The following WAC variants were observed in gnomAD, a reference collection of about 807,000 sequenced individuals.
WAC encodes WW domain containing adaptor with coiled-coil, also known as WW domain-containing adapter protein with coiled-coil.
Under a neutral mutation model 79.6 loss-of-function variants are expected in WAC, and 11 were observed. The observed-to-expected ratio is 0.14, with a 90% CI of 0.09 to 0.23. The LOEUF is 0.23. Ranked by LOEUF, WAC falls within the 10% of genes least tolerant of loss-of-function variation. The probability of loss-of-function intolerance (pLI) is 1.00; values close to 1 mark genes in which losing one functional copy is unlikely to be tolerated. For synonymous variants in WAC, 304 were observed against 276.9 expected (o/e 1.10, Z -0.97); for missense variants, 728 against 773.5 (o/e 0.94, Z 0.70).
intron 3 of WAC, among the ~76,000 whole-genome samples, chr10:28,550,180 A>AT (rs1837582224): frequency 1.3e-5 from 2 of 150,502 alleles, no homozygotes; most frequent in South Asian, 4.2e-4. Context: ...AAAAAAAAAA[A>AT]GTTTGTTTTA....
At chr10:28,536,928 CT>C (rs1413173293) in intron 3 of WAC, among the ~76,000 whole-genome samples, 12 of 152,124 alleles carry the variant, frequency 7.9e-5, no homozygotes, top group East Asian at 1.9e-4. Context: ...CTTTTTGCCC[CT>C]ATTGGCAGCT....
rs1254281844 is a variant in WAC at position 28,614,820 on chromosome 10, T to C, written c.1556+135T>C. On this transcript the variant is annotated intron_variant, in intron 11 of 13. Transcript: ENST00000354911. ...TACCCTAAAGTAGGCTTACATGTTG[T>C]AAAATTTACAAAGACAAACCTGTAT... The C allele has an allele frequency of 1.6e-5, 12 of 738,426 alleles. No individual in the cohort carries two copies. The South Asian group carries it at 2.0e-4, about 12-fold the overall frequency. 45.7% of individuals were successfully genotyped at this position (738,426 alleles called of 1,614,324 possible).
intron 12 of WAC, among the ~76,000 whole-genome samples, chr10:28,617,040 A>G (rs1169741723): frequency 6.6e-6 from 1 of 152,128 alleles, no homozygotes; most frequent in Non-Finnish European, 1.5e-5. Flanking sequence ...CCGAGATTGC[A>G]CCACTGTACT....
Position 28,560,484 on chromosome 10 carries a change from G to GT in WAC, c.275-22908dup, listed in dbSNP as rs1296467770. Among the ~76,000 whole-genome samples, 4 of 152,198 alleles carry GT rather than the reference G, an allele frequency of 2.6e-5. No homozygotes were observed. In the East Asian group the frequency reaches 7.7e-4, roughly 29 times the overall value. ...TGGTGTGAAGAGAATCGGGAATTTT[G>GT]TTTTTTTGTGTCGTCTTATGCCTGA... On this transcript the variant is annotated intron_variant, in intron 3 of 13. Coordinates refer to ENST00000354911, the MANE Select transcript of WAC (RefSeq NM_016628.5).
intron 3 of WAC, among the ~76,000 whole-genome samples, chr10:28,542,217 C>T (rs1336109179): frequency 1.3e-5 from 2 of 152,198 alleles, no homozygotes; most frequent in African/African-American, 4.8e-5. Flanking sequence ...CTCACAGGGC[C>T]TTCTCTGCCC....
intron 3 of WAC, among the ~76,000 whole-genome samples, chr10:28,563,331 C>T (rs12413834): frequency 6.6e-6 from 1 of 152,006 alleles, no homozygotes; most frequent in South Asian, 2.1e-4. Flanking sequence ...TGATTATGTT[C>T]TAGGAGGTAG....
Position 28,610,686 on chromosome 10 carries a change from AAT to A in WAC, c.1166-10_1166-9del, listed in dbSNP as rs1268673559. 2 of 1,601,426 alleles carry A rather than the reference AAT, an allele frequency of 1.2e-6. No homozygotes were observed. The highest frequency in any genetic ancestry group is 1.7e-6 in the Non-Finnish European group (2 of 1,176,728). On this transcript the variant is annotated splice_polypyrimidine_tract_variant and intron_variant, in intron 8 of 13. Coordinates refer to ENST00000354911, the MANE Select transcript of WAC (RefSeq NM_016628.5). ...TTGTTTTTATATGAATGTATGAAAT[AAT>A]ATGTTTTTAGTTCTTACAGCAGCTG...
intron 4 of WAC, among the ~76,000 whole-genome samples, chr10:28,583,940 A>C (rs1489952855): frequency 6.6e-6 from 1 of 152,270 alleles, no homozygotes; most frequent in Middle Eastern, 3.2e-3. Context: ...ACCTGTCCAC[A>C]AGGGTGTGAA....
chr10:28,546,225 T>C (rs750641558), intron 3 of WAC, among the ~76,000 whole-genome samples: 79 of 152,312 alleles, frequency 5.2e-4, no homozygotes, highest in Non-Finnish European at 7.2e-4. Flanking sequence ...TCTTTTCTGG[T>C]AGCTAAAAAA....
chr10:28,571,147 C>T (rs552059732), intron 3 of WAC, among the ~76,000 whole-genome samples: 3 of 151,760 alleles, frequency 2.0e-5, no homozygotes, highest in African/African-American at 7.2e-5. Context: ...CCAGGCTGGT[C>T]TTGAACTCCT....
At chr10:28,540,658 T>G (rs973945196) in intron 3 of WAC, among the ~76,000 whole-genome samples, 2 of 152,238 alleles carry the variant, frequency 1.3e-5, no homozygotes, top group African/African-American at 4.8e-5. Flanking sequence ...ACGTTTGGAT[T>G]TTAATAATAC....
intron 7 of WAC, among the ~76,000 whole-genome samples, chr10:28,603,969 A>G (rs867179850): frequency 4.4e-5 from 3 of 67,762 alleles, no homozygotes; most frequent in African/African-American, 1.7e-4. Context: ...ATGTATATAT[A>G]TATATATATA....
chr10:28,619,319 A>G (rs1218516130), intron 13 of WAC, among the ~76,000 whole-genome samples: 1 of 152,150 alleles, frequency 6.6e-6, no homozygotes, highest in African/African-American at 2.4e-5. Flanking sequence ...GAAAACTAAA[A>G]CATCCTTTCA....
At chr10:28,585,802 A>C (rs1839792301) in intron 4 of WAC, among the ~76,000 whole-genome samples, 1 of 152,138 alleles carries the variant, frequency 6.6e-6, no homozygotes, top group Non-Finnish European at 1.5e-5. Context: ...TGTAAAACAC[A>C]AATGCAAACA....
At chr10:28,535,408 A>T in intron 2 of WAC, 154 bp from the exon 3 acceptor site, 1 of 856,308 alleles carries the variant, frequency 1.2e-6, no homozygotes. Flanking sequence ...TTTTTGTCTG[A>T]GAAACTTTAA....
At chr10:28,574,454 T>C (rs1295268649) in intron 3 of WAC, among the ~76,000 whole-genome samples, 1 of 151,628 alleles carries the variant, frequency 6.6e-6, no homozygotes, top group Non-Finnish European at 1.5e-5. Context: ...GGCCTGTTGC[T>C]GTTTTTGAGA....
At chr10:28,585,301 G>T (rs1839760480) in intron 4 of WAC, among the ~76,000 whole-genome samples, 1 of 152,072 alleles carries the variant, frequency 6.6e-6, no homozygotes. Context: ...AGTTCTAGTG[G>T]TGGGATGGTA....
At chr10:28,542,971 C>T (rs1040890047) in intron 3 of WAC, among the ~76,000 whole-genome samples, 5 of 152,182 alleles carry the variant, frequency 3.3e-5, no homozygotes, top group African/African-American at 1.2e-4. Context: ...ACCTTGTATT[C>T]CTGTTACCTT....
intron 3 of WAC, among the ~76,000 whole-genome samples, chr10:28,538,076 C>T (rs2132323922): frequency 6.6e-6 from 1 of 152,226 alleles, no homozygotes; most frequent in Admixed American, 6.5e-5. Flanking sequence ...GGTATATCTC[C>T]ATTCTGGAAT....
Sources: gnomAD v4.1 joint callset for allele counts (sites outside exome capture counted in the v4.1 genomes callset) on GRCh38, gnomAD v4.1.1 for gene constraint, MANE v1.5 for transcripts, NCBI Gene and HGNC (gene_info 2026-07-23, HGNC 2026-07-21) for gene names.